The following SEPTIN3 variants were observed in gnomAD, a reference collection of about 807,000 sequenced individuals.
The protein encoded by SEPTIN3 is septin 3, also known as neuronal-specific septin-3.
Under a neutral mutation model 45.1 loss-of-function variants are expected in SEPTIN3, and 15 were observed. The ratio of observed to expected loss-of-function variants is 0.33; its 90% confidence interval spans 0.22 to 0.51. The LOEUF (loss-of-function observed/expected upper bound fraction) is 0.51, where lower values mean the gene tolerates loss of function less well. SEPTIN3 is among the 20% of genes least tolerant of loss of function. SEPTIN3 has a pLI of 0.97. For synonymous variants in SEPTIN3, 148 were observed against 164.8 expected (o/e 0.90, Z 0.78); for missense variants, 289 against 457.2 (o/e 0.63, Z 3.35).
chr22:41,982,864 C>T (rs2078143985), intron 3 of SEPTIN3, among the ~76,000 whole-genome samples: 1 of 151,036 alleles, frequency 6.6e-6, no homozygotes, highest in African/African-American at 2.5e-5. Flanking sequence ...GGACCCCAGC[C>T]TGGGCAACAA....
At position 41,994,730 on chromosome 22, in the gene SEPTIN3, G is replaced by A. The variant is rs1307449292; in HGVS notation, c.2505+16G>A. The A allele has an allele frequency of 6.2e-7, 1 of 1,614,106 alleles. No individual in the cohort carries two copies. Among genetic ancestry groups the A allele is most frequent in the Non-Finnish European group, 8.5e-7 (1 of 1,180,024 alleles). The stretch of plus-strand genomic sequence containing the variant: ...CCTCCCTCCGGTGAGCGTGGACACA[G>A]AGGAAAGCCACGACAGTAACCCATG... On this transcript the variant is annotated intron_variant, in intron 11 of 11. Transcript: ENST00000644076. The surrounding 1 kb of genome is among the most constrained non-coding windows in gnomAD (Gnocchi z 4.2).
chr22:41,994,462 T>G lies in SEPTIN3; in HGVS notation c.2411+121T>G. The stretch of plus-strand genomic sequence containing the variant: ...CTCTGACAGAGCTTTCTGCCCCAGT[T>G]CCAGCTCCTGTTGCAAAATGGAAGG... On this transcript the variant is annotated intron_variant, in intron 10 of 11. Coordinates refer to ENST00000644076, the MANE Select transcript of SEPTIN3 (RefSeq NM_001363845.2). This position sits in a 1 kb window ranked among gnomAD's most constrained non-coding sequence, Gnocchi z 4.2. 5.3e-6 allele frequency: 8 copies of G among 1,506,898 alleles called. No individual in the cohort carries two copies. In the South Asian group the frequency reaches 9.4e-5, roughly 18 times the overall value. The allele number at this position is 1,506,898 out of a possible 1,614,324, so 93.3% of individuals were successfully genotyped here.
At chr22:41,990,970 A>G (rs1195307752) in intron 7 of SEPTIN3, among the ~76,000 whole-genome samples, 1 of 152,152 alleles carries the variant, frequency 6.6e-6, no homozygotes, top group African/African-American at 2.4e-5. Context: ...AGGCTGAGGC[A>G]GGAGAATCAC....
At chr22:41,970,874 C>T (rs915608083) in intron 1 of SEPTIN3, among the ~76,000 whole-genome samples, 1 of 152,206 alleles carries the variant, frequency 6.6e-6, no homozygotes, top group African/African-American at 2.4e-5. Flanking sequence ...TTCCCATCCT[C>T]ACCTTCTCCA....
At chr22:41,989,193 T>G (rs2078260302) in intron 6 of SEPTIN3, among the ~76,000 whole-genome samples, 1 of 151,790 alleles carries the variant, frequency 6.6e-6, no homozygotes, top group South Asian at 2.1e-4. Context: ...GTTTGTTTTT[T>G]GTTTTTGAGA....
chr22:41,987,186 C>G lies in SEPTIN3; in HGVS notation c.1826-20C>G. 1 of 1,605,952 alleles carries G rather than the reference C, an allele frequency of 6.2e-7. No homozygotes were observed. Among genetic ancestry groups the G allele is most frequent in the Non-Finnish European group, 8.5e-7 (1 of 1,174,702 alleles). Reference sequence around the variant, plus strand: ...AGCTGTAGGACTGACCTCTCTGGTACATTTTCTTTTCACCCCCAGTGATAG... The same window carrying G: ...AGCTGTAGGACTGACCTCTCTGGTAGATTTTCTTTTCACCCCCAGTGATAG... On this transcript the variant is annotated intron_variant, in intron 4 of 11. Coordinates refer to ENST00000644076, the MANE Select transcript of SEPTIN3 (RefSeq NM_001363845.2).
intron 2 of SEPTIN3, among the ~76,000 whole-genome samples, chr22:41,978,268 C>T (rs1267620058): frequency 6.6e-6 from 1 of 152,160 alleles, no homozygotes; most frequent in Admixed American, 6.5e-5. Flanking sequence ...CTCATTCACT[C>T]ATCATTCATT....
At chr22:41,993,531 T>A (rs1431461934) in intron 9 of SEPTIN3, among the ~76,000 whole-genome samples, 4 of 152,164 alleles carry the variant, frequency 2.6e-5, no homozygotes, top group Non-Finnish European at 5.9e-5. Context: ...AATTTTTGTA[T>A]TTTTCGTAGA....
intron 2 of SEPTIN3, 198 bp from the exon 3 acceptor site, chr22:41,981,447 G>A (rs1330529962): frequency 1.1e-5 from 6 of 553,690 alleles, no homozygotes; most frequent in African/African-American, 5.6e-5. Flanking sequence ...CCTGCTCTGT[G>A]TTCTTAGTTG....
At position 41,989,558 on chromosome 22, in the gene SEPTIN3, G is replaced by A; in HGVS notation, c.2046-9G>A. On this transcript the variant is annotated splice_polypyrimidine_tract_variant and intron_variant, in intron 6 of 11. Transcript: ENST00000644076. ...TGGCTCTGATGATTCTGCCTTTTCT[G>A]TGCCCCAGCTTGCGACCTCTGGATC... 6.2e-7 allele frequency: 1 copy of A among 1,602,988 alleles called. No homozygotes were observed. The highest frequency in any genetic ancestry group is 8.5e-7 in the Non-Finnish European group (1 of 1,170,066).
chr22:41,984,438 C>T (rs995313127), intron 3 of SEPTIN3, among the ~76,000 whole-genome samples: 4 of 152,200 alleles, frequency 2.6e-5, no homozygotes, highest in African/African-American at 9.7e-5. Context: ...TCTGCATTTC[C>T]TACTAGTGTC....
intron 3 of SEPTIN3, 188 bp from the exon 4 acceptor site, chr22:41,985,796 C>G: frequency 3.6e-6 from 2 of 551,550 alleles, no homozygotes; most frequent in Non-Finnish European, 6.2e-6. Flanking sequence ...CCCCAAGGCC[C>G]TCTGCAGTAA....
rs987250187 is a variant in SEPTIN3 at position 41,992,603 on chromosome 22, G to A, written c.2260-61G>A. On this transcript the variant is annotated intron_variant, in intron 8 of 11. Coordinates refer to ENST00000644076, the MANE Select transcript of SEPTIN3 (RefSeq NM_001363845.2). ...ACCATATGCCATCCTGCTCCTGAAA[G>A]TCCAGGTTGTTGGAGGATGACGGTG... 3 of 1,123,424 alleles carry A rather than the reference G, an allele frequency of 2.7e-6. No homozygotes were observed. In the Admixed American group the frequency reaches 6.8e-5, roughly 26 times the overall value. The allele number at this position is 1,123,424 out of a possible 1,614,324, so 69.6% of individuals were successfully genotyped here. A position where few individuals can be genotyped will look rare whatever the true frequency, so the allele number is the denominator to read the frequency against.
intron 7 of SEPTIN3, among the ~76,000 whole-genome samples, chr22:41,990,700 C>T (rs1429271142): frequency 3.7e-5 from 5 of 134,948 alleles, no homozygotes; most frequent in South Asian, 2.4e-4. Context: ...GAGCTGAGAT[C>T]GTGCTACTGT....
chr22:41,996,945 C>T lies in SEPTIN3; in HGVS notation c.2549C>T (p.Thr850Ile), dbSNP rs369867839. Reference protein sequence around the residue: ...LGTVLPPVPATPCPTAE With the variant: ...LGTVLPPVPAIPCPTAE ...ACTGTCCTTCCACCTGTGCCAGCCA[C>T]CCCCTGCCCCACTGCTGAATGAAGG... is the stretch of plus-strand genomic sequence containing the variant. The change falls in exon 12 of 12, where the codon ACC becomes ATC. Residue 850 changes from threonine (T) to isoleucine (I), a missense_variant. Thr to Ile is a moderately conservative substitution (Grantham distance 89). Transcript: ENST00000644076. 22 of 1,614,072 alleles carry T rather than the reference C, an allele frequency of 1.4e-5. No individual in the cohort carries two copies. The highest frequency in any genetic ancestry group is 1.8e-5 in the Non-Finnish European group (21 of 1,179,950).
In SEPTIN3 at chr22:41,994,316, G is replaced by A; in HGVS notation, c.2386G>A (p.Ala796Thr). The change falls in exon 10 of 12, where the codon GCC (alanine) becomes ACC (threonine). Residue 796 changes from alanine (A) to threonine (T), a missense_variant. Physicochemically the swap from Ala to Thr is moderately conservative, Grantham distance 58 (BLOSUM62 0). This residue lies in a region of SEPTIN3 where 84 missense variants were observed against 114.7 expected (regional missense o/e 0.73). Transcript: ENST00000644076. The surrounding 1 kb of genome is among the most constrained non-coding windows in gnomAD (Gnocchi z 4.2). Reference protein sequence around the residue: ...EVENLNHCEFALLRDFVIRTH... With the variant: ...EVENLNHCEFTLLRDFVIRTH... Reference sequence around the variant, plus strand: ...GGAAAACCTCAACCACTGTGAGTTTGCCCTGCTTCGAGACTTTGTCATCAG... The same window carrying A: ...GGAAAACCTCAACCACTGTGAGTTTACCCTGCTTCGAGACTTTGTCATCAG... 1 of 1,614,042 alleles carries A rather than the reference G, an allele frequency of 6.2e-7. No homozygotes were observed. The highest frequency in any genetic ancestry group is 8.5e-7 in the Non-Finnish European group (1 of 1,180,026).
Position 41,994,794 on chromosome 22 carries a change from C to T in SEPTIN3, c.2505+80C>T, listed in dbSNP as rs1298738195. 1.9e-6 allele frequency: 3 copies of T among 1,612,570 alleles called. No homozygotes were observed. Among genetic ancestry groups the T allele is most frequent in the Non-Finnish European group, 2.5e-6 (3 of 1,179,616 alleles). ...TGTGTCATCACACATACCCACTTCACACACACACATCCCAAATACCACCAC... is the reference window on the plus strand; with the variant it reads ...TGTGTCATCACACATACCCACTTCATACACACACATCCCAAATACCACCAC... On this transcript the variant is annotated intron_variant, in intron 11 of 11. Transcript: ENST00000644076. The surrounding 1 kb of genome is among the most constrained non-coding windows in gnomAD (Gnocchi z 4.2).
chr22:41,985,474 T>C (rs1845998739), intron 3 of SEPTIN3, among the ~76,000 whole-genome samples: 1 of 152,228 alleles, frequency 6.6e-6, no homozygotes. Context: ...CATATTTTGT[T>C]AGAAGAGGAT....
chr22:41,993,329 T>C (rs561929056), intron 9 of SEPTIN3, among the ~76,000 whole-genome samples: 1 of 112,962 alleles, frequency 8.9e-6, no homozygotes, highest in African/African-American at 3.8e-5. Context: ...CAGACTCAGA[T>C]TTTTTTTTTT....
Sources: allele counts gnomAD v4.1 joint callset (sites outside exome capture counted in the v4.1 genomes callset), GRCh38; gene constraint gnomAD v4.1.1; regional missense constraint gnomAD v4.1.1; non-coding constraint Gnocchi (gnomAD v3.1); transcripts MANE v1.5; gene names NCBI Gene and HGNC (gene_info 2026-07-23, HGNC 2026-07-21).